The following MEIKIN variants were observed in gnomAD, a reference collection of about 807,000 sequenced individuals.
MEIKIN encodes the protein meiosis-specific kinetochore protein.
intron 6 of MEIKIN, among the ~76,000 whole-genome samples, chr5:131,917,510 G>T (rs188301578): frequency 7.5e-5 from 11 of 146,632 alleles, no homozygotes; most frequent in African/African-American, 2.8e-4. Flanking sequence ...AGGCTGCAGT[G>T]AGCCGAGATT....
At chr5:131,838,504 G>A (rs777765051) in intron 11 of MEIKIN, among the ~76,000 whole-genome samples, 2 of 151,838 alleles carry the variant, frequency 1.3e-5, no homozygotes, top group African/African-American at 4.8e-5. Context: ...TGGTTGGTAG[G>A]CTTATTACTT....
intron 11 of MEIKIN, among the ~76,000 whole-genome samples, chr5:131,824,409 A>C (rs1749573900): frequency 1.3e-5 from 2 of 152,076 alleles, no homozygotes; most frequent in South Asian, 4.1e-4. Context: ...AGCCATAGCT[A>C]CTCAGGAGGC....
At chr5:131,887,457 A>G (rs1750819591) in intron 8 of MEIKIN, among the ~76,000 whole-genome samples, 1 of 152,118 alleles carries the variant, frequency 6.6e-6, no homozygotes, top group Non-Finnish European at 1.5e-5. Flanking sequence ...ACTCCCACCA[A>G]CAGTGTAAAA....
chr5:131,892,856 T>C (rs2149635080), intron 8 of MEIKIN, among the ~76,000 whole-genome samples: 1 of 152,278 alleles, frequency 6.6e-6, no homozygotes, highest in African/African-American at 2.4e-5. Context: ...TTATCTACCT[T>C]TGGTCTTTGA....
intron 9 of MEIKIN, among the ~76,000 whole-genome samples, chr5:131,869,412 G>GT (rs1358910963): frequency 1.3e-5 from 2 of 152,200 alleles, no homozygotes; most frequent in East Asian, 3.9e-4. Flanking sequence ...AATACAGGCA[G>GT]TATCAGTCCT....
chr5:131,896,086 T>C (rs981114251), intron 8 of MEIKIN, among the ~76,000 whole-genome samples: 4 of 152,224 alleles, frequency 2.6e-5, no homozygotes, highest in Admixed American at 6.5e-5. Context: ...GTACATTGTG[T>C]CTTTGTTCTC....
At chr5:131,943,707 A>G (rs1416315268) in intron 3 of MEIKIN, among the ~76,000 whole-genome samples, 4 of 152,134 alleles carry the variant, frequency 2.6e-5, no homozygotes, top group Non-Finnish European at 5.9e-5. Context: ...TAGTATAAAT[A>G]CTCTACAAGG....
chr5:131,885,350 A>G (rs1750766475), intron 8 of MEIKIN, among the ~76,000 whole-genome samples: 2 of 5,904 alleles, frequency 3.4e-4, no homozygotes. Flanking sequence ...AAAGAGAGAG[A>G]GAGAGAGAGA....
intron 8 of MEIKIN, among the ~76,000 whole-genome samples, chr5:131,887,854 AC>A (rs1283751910): frequency 6.3e-4 from 36 of 57,442 alleles, no homozygotes; most frequent in Admixed American, 1.5e-3. Context: ...GCTATCCCTC[AC>A]CCCCTCCCCC....
chr5:131,929,606 C>T (rs180722378), intron 5 of MEIKIN, among the ~76,000 whole-genome samples: 109 of 152,178 alleles, frequency 7.2e-4, no homozygotes, highest in Middle Eastern at 3.4e-3. Flanking sequence ...GTCACTGGGG[C>T]TTGGTGTACA....
intron 4 of MEIKIN, among the ~76,000 whole-genome samples, chr5:131,941,705 T>C (rs1055092415): frequency 2.0e-5 from 3 of 152,240 alleles, no homozygotes; most frequent in African/African-American, 7.2e-5. Context: ...CATATCCAAC[T>C]ATCTGGTTGA....
intron 8 of MEIKIN, among the ~76,000 whole-genome samples, chr5:131,883,011 T>C (rs757037744): frequency 6.6e-6 from 1 of 152,220 alleles, no homozygotes; most frequent in Non-Finnish European, 1.5e-5. Context: ...TTAGTTACTG[T>C]TATTTCTATT....
At chr5:131,864,335 T>C (rs1268573172) in intron 9 of MEIKIN, among the ~76,000 whole-genome samples, 2 of 152,222 alleles carry the variant, frequency 1.3e-5, no homozygotes, top group Non-Finnish European at 2.9e-5. Flanking sequence ...GCTTTACTTG[T>C]GAGTTTTATA....
intron 12 of MEIKIN, among the ~76,000 whole-genome samples, chr5:131,812,212 CATGTAAT>C (rs1772971057): frequency 1.3e-5 from 2 of 152,146 alleles, no homozygotes; most frequent in African/African-American, 2.4e-5. Flanking sequence ...TTGTATATAA[CATGTAAT>C]ATGTAACAGT....
intron 9 of MEIKIN, among the ~76,000 whole-genome samples, chr5:131,870,181 A>C (rs1339354129): frequency 6.6e-6 from 1 of 152,192 alleles, no homozygotes; most frequent in African/African-American, 2.4e-5. Context: ...GTACCCCATA[A>C]AGACATACAG....
At chr5:131,818,065 T>C (rs1158654425) in intron 12 of MEIKIN, among the ~76,000 whole-genome samples, 4 of 152,202 alleles carry the variant, frequency 2.6e-5, no homozygotes, top group South Asian at 2.1e-4. Context: ...TGAAGAAGTA[T>C]GATCTTGGAC....
intron 11 of MEIKIN, among the ~76,000 whole-genome samples, chr5:131,832,435 C>T (rs926382188): frequency 1.3e-5 from 2 of 152,144 alleles, no homozygotes; most frequent in Admixed American, 6.5e-5. Flanking sequence ...CTCCTGGATG[C>T]TTTCATGGGC....
chr5:131,880,406 T>C (rs1750685710), intron 8 of MEIKIN, among the ~76,000 whole-genome samples: 1 of 9,420 alleles, frequency 1.1e-4, no homozygotes, highest in Admixed American at 8.6e-4. Context: ...CCCGGCCTAT[T>C]TTTTTTTTTT....
At chr5:131,826,208 T>G (rs1222098588) in intron 11 of MEIKIN, among the ~76,000 whole-genome samples, 1 of 151,724 alleles carries the variant, frequency 6.6e-6, no homozygotes, top group Admixed American at 6.6e-5. Context: ...ATTATAGGCA[T>G]GAGTCACTGC....
Sources: gnomAD v4.1 joint callset for allele counts (sites outside exome capture counted in the v4.1 genomes callset) on GRCh38, gnomAD v4.1.1 for gene constraint, MANE v1.5 for transcripts, NCBI Gene and HGNC (gene_info 2026-07-23, HGNC 2026-07-21) for gene names.